Variants in MMP20 observed in about 807,000 individuals in gnomAD.
MMP20 encodes matrix metalloproteinase-20.
Under a neutral mutation model 51.8 loss-of-function variants are expected in MMP20, and 50 were observed. The ratio of observed to expected loss-of-function variants is 0.97; its 90% CI spans 0.77 to 1.22. The LOEUF (loss-of-function observed/expected upper bound fraction) is 1.22. Ranked by LOEUF, MMP20 falls within the 50% of genes most tolerant of loss-of-function variation. The pLI, the probability that MMP20 is intolerant of heterozygous loss-of-function variation, is 0.00. For missense variants in MMP20, 663 were observed against 601.4 expected (o/e 1.10, Z -1.07); for synonymous variants, 244 against 216.2 (o/e 1.13, Z -1.13).
intron 6 of MMP20, among the ~76,000 whole-genome samples, chr11:102,600,185 G>A (rs985517837): frequency 6.6e-6 from 1 of 152,162 alleles, no homozygotes; most frequent in Non-Finnish European, 1.5e-5. Context: ...GGGAGAATGC[G>A]AAGGAGGAAG....
rs1392165269 is a variant in MMP20 at position 102,594,734 on chromosome 11, T to C, written c.977A>G (p.His326Arg). ...KDRIFWRRQV[H>R]LRTGIRPSTI... ...GCTGGGCCGAATTCCTGTCCGCAAG[T>C]GAACCTGCCGTCTCCAGAAAATCCT... Residue 326 changes from histidine to arginine, a missense_variant, in exon 7 of 10, where the codon CAC becomes CGC. By Grantham distance (29) the His-to-Arg change is conservative. Coordinates refer to ENST00000260228, the MANE Select transcript of MMP20 (RefSeq NM_004771.4). 1 of 1,595,444 alleles carries C rather than the reference T, an allele frequency of 6.3e-7. No individual in the cohort carries two copies. The highest frequency in any genetic ancestry group is 1.8e-5 in the Admixed American group (1 of 56,746).
chr11:102,587,326 T>C (rs1293026228), intron 8 of MMP20, among the ~76,000 whole-genome samples: 1 of 152,198 alleles, frequency 6.6e-6, no homozygotes, highest in Non-Finnish European at 1.5e-5. Flanking sequence ...CTTGTACGAC[T>C]TAAGTTGTTT....
intron 8 of MMP20, among the ~76,000 whole-genome samples, chr11:102,585,134 A>G (rs1859240291): frequency 6.6e-6 from 1 of 152,250 alleles, no homozygotes; most frequent in East Asian, 1.9e-4. Flanking sequence ...AAAACTTGTC[A>G]ATTTCTACAA....
intron 8 of MMP20, 98 bp downstream of exon 8, chr11:102,593,341 C>T (rs1316482946): frequency 5.9e-6 from 8 of 1,348,276 alleles, no homozygotes; most frequent in East Asian, 4.9e-5. Context: ...ACGGGCCTAT[C>T]GCAAACTTGC....
intron 1 of MMP20, 52 bp from the exon 2 acceptor site, chr11:102,617,111 C>T (rs993864252): frequency 8.1e-6 from 13 of 1,610,520 alleles, no homozygotes; most frequent in Middle Eastern, 1.7e-4. Flanking sequence ...GGGAAATACT[C>T]ATGCTCAGGT....
intron 6 of MMP20, 138 bp downstream of exon 6, chr11:102,606,397 G>T: frequency 2.6e-6 from 3 of 1,161,274 alleles, no homozygotes; most frequent in Non-Finnish European, 3.8e-6. Context: ...AAAGACCCCT[G>T]CCTACCACCC....
chr11:102,594,488 A>G, intron 7 of MMP20, 133 bp downstream of exon 7: 1 of 1,185,418 alleles, frequency 8.4e-7, no homozygotes, highest in Non-Finnish European at 1.2e-6. Context: ...GGCATTTCAT[A>G]CCCAACCTGA....
chr11:102,590,383 T>G (rs762066940), intron 8 of MMP20, among the ~76,000 whole-genome samples: 4 of 152,218 alleles, frequency 2.6e-5, no homozygotes, highest in Admixed American at 6.5e-5. Context: ...CTATTTGGAT[T>G]TGACATTGTG....
At chr11:102,593,736 C>A (rs1474410945) in intron 7 of MMP20, 141 bp from the exon 8 acceptor site, 5 of 926,954 alleles carry the variant, frequency 5.4e-6, no homozygotes, top group South Asian at 1.5e-5. Flanking sequence ...GAGATATAAG[C>A]TTCTAACTAT....
At chr11:102,609,362 A>G (rs1483142857) in intron 4 of MMP20, among the ~76,000 whole-genome samples, 1 of 152,190 alleles carries the variant, frequency 6.6e-6, no homozygotes, top group Non-Finnish European at 1.5e-5. Flanking sequence ...TGTTTGGTAG[A>G]CTGATAAAGC....
At chr11:102,590,003 A>G (rs1037330718) in intron 8 of MMP20, among the ~76,000 whole-genome samples, 10 of 152,186 alleles carry the variant, frequency 6.6e-5, no homozygotes, top group Non-Finnish European at 1.0e-4. Flanking sequence ...AGAAAGAGTG[A>G]TTCAGGGTAG....
rs77579816 is a variant in MMP20 at position 102,578,792 on chromosome 11, C to A, written c.1351+247G>T. On this transcript the variant is annotated intron_variant, in intron 9 of 9. Coordinates refer to ENST00000260228, the MANE Select transcript of MMP20 (RefSeq NM_004771.4). ...AAACAAAAAACAAAACACACACACA[C>A]AAAAACAAAAACAAACAAACAAACA... Among the ~76,000 whole-genome samples the A allele has an allele frequency of 2.6e-3, 350 of 136,586 alleles. 5 individuals are homozygous for A. Among genetic ancestry groups the A allele is most frequent in the African/African-American group, 8.4e-3 (313 of 37,124 alleles). 89.6% of individuals were successfully genotyped at this position (136,586 alleles called of 152,430 possible).
intron 8 of MMP20, among the ~76,000 whole-genome samples, chr11:102,580,551 A>C (rs1274574584): frequency 3.3e-5 from 5 of 152,250 alleles, no homozygotes; most frequent in Non-Finnish European, 7.3e-5. Flanking sequence ...AACTAAGTGC[A>C]AGTCTGAGCT....
rs2245803 is a variant in MMP20, at chr11:102,625,267, T to C, written c.53A>G (p.Lys18Arg). 1.1e-5 allele frequency: 18 copies of C among 1,613,598 alleles called. No homozygotes were observed. Among genetic ancestry groups the C allele is most frequent in the Non-Finnish European group, 1.4e-5 (16 of 1,179,868 alleles). Residue 18 changes from lysine (K) to arginine (R), a missense_variant, in exon 1 of 10, where the codon AAG (lysine) becomes AGG (arginine). Lys to Arg is a conservative substitution (Grantham distance 26). Coordinates refer to ENST00000260228, the MANE Select transcript of MMP20 (RefSeq NM_004771.4). ...TAGGGAGGGGGCTGCAGTGGAAAAC[T>C]TCAAAGCCATGATGAGGAAGACAGC... The part of the protein sequence containing the change: ...GLAVFLIMAL[K>R]FSTAAPSLVA...
chr11:102,578,801 A>C (rs1206283405), intron 9 of MMP20, among the ~76,000 whole-genome samples: 9 of 68,190 alleles, frequency 1.3e-4, no homozygotes, highest in Non-Finnish European at 2.1e-4. Flanking sequence ...ACAAAAACAA[A>C]AACAAACAAA....
intron 9 of MMP20, among the ~76,000 whole-genome samples, chr11:102,578,498 A>C (rs762829705): frequency 4.6e-5 from 7 of 152,196 alleles, no homozygotes; most frequent in Non-Finnish European, 8.8e-5. Flanking sequence ...TTTATGATCT[A>C]GCTGACTAAT....
intron 1 of MMP20, among the ~76,000 whole-genome samples, chr11:102,620,897 A>AG (rs1859741878): frequency 6.6e-6 from 1 of 152,128 alleles, no homozygotes; most frequent in African/African-American, 2.4e-5. Context: ...ATCCTCAGGG[A>AG]GGGGGTGAGG....
chr11:102,591,926 G>T (rs1196821167), intron 8 of MMP20, among the ~76,000 whole-genome samples: 2 of 152,160 alleles, frequency 1.3e-5, no homozygotes, highest in African/African-American at 4.8e-5. Context: ...TTAGACCAAA[G>T]ATCAGGTGAT....
intron 8 of MMP20, among the ~76,000 whole-genome samples, chr11:102,590,363 G>A (rs1859303544): frequency 6.6e-6 from 1 of 152,198 alleles, no homozygotes; most frequent in Admixed American, 6.5e-5. Context: ...CATCAACATA[G>A]TAGAGCCTCC....
Sources: allele counts gnomAD v4.1 joint callset (sites outside exome capture counted in the v4.1 genomes callset), GRCh38; gene constraint gnomAD v4.1.1; transcripts MANE v1.5; gene names NCBI Gene and HGNC (gene_info 2026-07-23, HGNC 2026-07-21).